MKRN2: variants seen among roughly 807,000 people sequenced by gnomAD.
The protein encoded by MKRN2 is E3 ubiquitin-protein ligase makorin-2.
Under a neutral mutation model 45.4 loss-of-function variants are expected in MKRN2, and 32 were observed. The ratio of observed to expected loss-of-function variants is 0.70; its 90% confidence interval spans 0.53 to 0.95. The LOEUF (loss-of-function observed/expected upper bound fraction) is 0.95, where lower values mean the gene tolerates loss of function less well. MKRN2 is among the 40% of genes least tolerant of loss of function. The pLI, the probability that MKRN2 is intolerant of heterozygous loss-of-function variation, is 0.00. For synonymous variants in MKRN2, 206 were observed against 192.4 expected, an observed-to-expected ratio of 1.07 and a Z score of -0.59; for missense variants, 526 against 536.7, an observed-to-expected ratio of 0.98 and a Z score of 0.20.
chr3:12,566,381 G>GTT (rs1435559479), intron 1 of MKRN2, among the ~76,000 whole-genome samples: 1 of 152,006 alleles, frequency 6.6e-6, no homozygotes, highest in Non-Finnish European at 1.5e-5. Context: ...AGTTGGGTTT[G>GTT]TTTTGTTTTG....
intron 4 of MKRN2, among the ~76,000 whole-genome samples, chr3:12,573,352 C>T (rs1391619795): frequency 1.3e-5 from 2 of 151,088 alleles, no homozygotes; most frequent in Non-Finnish European, 3.0e-5. Flanking sequence ...TGGTAAGATC[C>T]CCGTCTCTAC....
chr3:12,572,102 C>T lies in MKRN2; in HGVS notation c.371C>T (p.Pro124Leu), dbSNP rs541564164. The change falls in exon 4 of 8, where the codon CCG becomes CTG. Residue 124 changes from proline to leucine, a missense_variant. Pro to Leu is a moderately conservative substitution (Grantham distance 98, BLOSUM62 -3). Transcript: ENST00000170447. ...LSGMAERKTQ[P>L]SMVSNPGSCS... ...GGCATGGCTGAAAGGAAGACCCAGC[C>T]GAGCATGGTGAGTAATCCAGGCAGC... 484 of 1,612,520 alleles carry T rather than the reference C, an allele frequency of 3.0e-4. 8 individuals are homozygous for T. The South Asian group carries it at 4.5e-3, about 15-fold the overall frequency.
intron 1 of MKRN2, among the ~76,000 whole-genome samples, chr3:12,567,068 C>G (rs565330235): frequency 6.6e-6 from 1 of 152,226 alleles, no homozygotes; most frequent in Non-Finnish European, 1.5e-5. Context: ...GGTTATAGGT[C>G]ACATTATTTT....
At chr3:12,569,501 T>A (rs1179494906) in intron 2 of MKRN2, among the ~76,000 whole-genome samples, 1 of 152,212 alleles carries the variant, frequency 6.6e-6, no homozygotes, top group Non-Finnish European at 1.5e-5. Flanking sequence ...CTTATTCTTA[T>A]GAATATATAG....
chr3:12,575,945 A>G (rs2058132594), intron 5 of MKRN2, among the ~76,000 whole-genome samples: 1 of 152,150 alleles, frequency 6.6e-6, no homozygotes, highest in African/African-American at 2.4e-5. Context: ...GGCTGTTTTA[A>G]CTTTGCAACT....
intron 3 of MKRN2, among the ~76,000 whole-genome samples, chr3:12,570,891 A>AG (rs1165794948): frequency 2.7e-5 from 4 of 147,746 alleles, no homozygotes; most frequent in African/African-American, 1.1e-4. Flanking sequence ...CTCAAAAAAA[A>AG]AAAAAAAAAA....
In MKRN2 at chr3:12,557,194, A is replaced by T; in HGVS notation, c.26+18A>T. 6.5e-7 allele frequency: 1 copy of T among 1,534,462 alleles called. No individual in the cohort carries two copies. The highest frequency in any genetic ancestry group is 2.5e-5 in the East Asian group (1 of 39,456). On this transcript the variant is annotated intron_variant, in intron 1 of 7. Coordinates refer to ENST00000170447, the MANE Select transcript of MKRN2 (RefSeq NM_014160.5). ...ACTTGCAGGTCAGTGCGCTGGAGCC[A>T]GGAGCTTCGGGCCGCTCCCCCAGGC...
chr3:12,559,069 C>A (rs1397289275), intron 1 of MKRN2, among the ~76,000 whole-genome samples: 1 of 152,126 alleles, frequency 6.6e-6, no homozygotes, highest in African/African-American at 2.4e-5. Flanking sequence ...CAGGACTTAT[C>A]AAAGCTTTTA....
chr3:12,573,185 T>G (rs985930008), intron 4 of MKRN2, among the ~76,000 whole-genome samples: 1 of 152,086 alleles, frequency 6.6e-6, no homozygotes, highest in Non-Finnish European at 1.5e-5. Flanking sequence ...AGGCTTTGCC[T>G]TATGCTAGGC....
In MKRN2 at chr3:12,570,900, A is replaced by G. The variant is rs1361393073; in HGVS notation, c.337+648A>G. 1.1e-4 allele frequency among the ~76,000 whole-genome samples: 17 copies of G among 151,572 alleles called. 1 individual carries two copies. Among genetic ancestry groups the G allele is most frequent in the Admixed American group, 7.9e-4 (12 of 15,228 alleles). On this transcript the variant is annotated intron_variant, in intron 3 of 7. Transcript: ENST00000170447. ...CTCCCTCTCAAAAAAAAAAAAAAAA[A>G]AAAGAAAACTAAATATTTTGCTAAA...
chr3:12,568,825 T>C (rs1179875767), intron 1 of MKRN2, 50 bp from the exon 2 acceptor site: 1 of 1,590,218 alleles, frequency 6.3e-7, no homozygotes, highest in South Asian at 1.2e-5. Flanking sequence ...GCTGATTTTA[T>C]AAAGCAAAAT....
At chr3:12,581,716 C>A (rs140795476) in intron 6 of MKRN2, 92 bp from the exon 7 acceptor site, 50 of 1,420,664 alleles carry the variant, frequency 3.5e-5, no homozygotes, top group Middle Eastern at 1.9e-4. Flanking sequence ...CTACCTCTGG[C>A]GTAAGGGTGG....
Position 12,572,289 on chromosome 3 carries a change from C to T in MKRN2, c.558C>T (p.Val186=). The T allele has an allele frequency of 6.2e-7, 1 of 1,613,756 alleles. No homozygotes were observed. The highest frequency in any genetic ancestry group is 8.5e-7 in the Non-Finnish European group (1 of 1,179,686). ...AGTGCCGGTTTGGGGATGCCTGTGT[C>T]TACCTGCACGGGGAGGTGTGTGAAA... The part of the protein sequence containing the change: ...AGECRFGDAC[V]YLHGEVCEIC... Residue 186 remains valine, a synonymous_variant, in exon 4 of 8, where the codon GTC becomes GTT. Coordinates refer to ENST00000170447, the MANE Select transcript of MKRN2 (RefSeq NM_014160.5).
At chr3:12,580,562 C>CCTGCCT (rs2058170871) in intron 6 of MKRN2, among the ~76,000 whole-genome samples, 1 of 151,574 alleles carries the variant, frequency 6.6e-6, no homozygotes, top group Non-Finnish European at 1.5e-5. Context: ...AAGCAATTCT[C>CCTGCCT]CTGCCTCAGC....
chr3:12,567,602 C>T (rs1189145733), intron 1 of MKRN2, among the ~76,000 whole-genome samples: 2 of 151,666 alleles, frequency 1.3e-5, no homozygotes, highest in Non-Finnish European at 2.9e-5. Context: ...GATTCTCCTG[C>T]CTCAGCCTCC....
chr3:12,568,775 A>G (rs2058082646), intron 1 of MKRN2, 100 bp from the exon 2 acceptor site: 12 of 1,480,412 alleles, frequency 8.1e-6, no homozygotes, highest in Non-Finnish European at 1.0e-5. Flanking sequence ...TATACATAAT[A>G]TATGCCTGGT....
At chr3:12,564,302 A>G (rs548861594) in intron 1 of MKRN2, among the ~76,000 whole-genome samples, 1 of 152,266 alleles carries the variant, frequency 6.6e-6, no homozygotes, top group African/African-American at 2.4e-5. Context: ...TGGTAAATAT[A>G]TTTTTAATTT....
intron 5 of MKRN2, 138 bp downstream of exon 5, chr3:12,575,144 A>G: frequency 2.7e-6 from 2 of 748,936 alleles, no homozygotes; most frequent in Non-Finnish European, 4.3e-6. Flanking sequence ...GAACTTCAGC[A>G]AGTCATTTAC....
chr3:12,565,636 A>G (rs1018154361), intron 1 of MKRN2, among the ~76,000 whole-genome samples: 3 of 147,066 alleles, frequency 2.0e-5, no homozygotes, highest in African/African-American at 7.6e-5. Context: ...CCTGGGCTCA[A>G]TCGATCCTCC....
Sources: gnomAD v4.1 joint callset for allele counts (sites outside exome capture counted in the v4.1 genomes callset) on GRCh38, gnomAD v4.1.1 for gene constraint, MANE v1.5 for transcripts, NCBI Gene and HGNC (gene_info 2026-07-23, HGNC 2026-07-21) for gene names.